CFAP77: variants seen among roughly 807,000 people sequenced by gnomAD.
CFAP77 encodes the protein cilia and flagella associated protein 77.
In CFAP77, 25 loss-of-function variants were observed where a neutral mutation model predicts 31.1. That is an observed-to-expected ratio of 0.80 (90% CI 0.59 to 1.12). The LOEUF is 1.12. Ranked by LOEUF, CFAP77 falls within the 50% of genes most tolerant of loss-of-function variation. The probability of loss-of-function intolerance (pLI) is 0.00; values close to 1 mark genes in which losing one functional copy is unlikely to be tolerated. For missense variants in CFAP77, 377 were observed against 397.3 expected, an observed-to-expected ratio of 0.95 and a Z score of 0.44; for synonymous variants, 151 against 159.9, an observed-to-expected ratio of 0.94 and a Z score of 0.42.
At chr9:132,422,784 C>G (rs1025074392) in intron 1 of CFAP77, among the ~76,000 whole-genome samples, 6 of 152,240 alleles carry the variant, frequency 3.9e-5, no homozygotes, top group Non-Finnish European at 7.4e-5. Flanking sequence ...ACACCTCCTT[C>G]CCTCTACTGA....
chr9:132,519,723 A>AATGGATGGGTGGATGGATGG (rs1852231632), intron 3 of CFAP77, among the ~76,000 whole-genome samples: 23 of 28,442 alleles, frequency 8.1e-4, no homozygotes, highest in Non-Finnish European at 1.1e-3. Flanking sequence ...TAGATGGATG[A>AATGGATGGGTGGATGGATGG]ATGGATGGGT....
chr9:132,424,379 GC>G lies in CFAP77; in HGVS notation c.195+13914del, dbSNP rs1850278879. ...ATCGTGCCACTGCACTCCAGCCTGGGCGACAGAGCAAGACTCCATCTCAAAA... is the reference window on the plus strand; with the variant it reads ...ATCGTGCCACTGCACTCCAGCCTGGGGACAGAGCAAGACTCCATCTCAAAA... On this transcript the variant is annotated intron_variant, in intron 1 of 5. Coordinates refer to ENST00000393216, the MANE Select transcript of CFAP77 (RefSeq NM_001282957.2). This position sits in a 1 kb window ranked among gnomAD's most constrained non-coding sequence, Gnocchi z 4.1. Among the ~76,000 whole-genome samples the G allele has an allele frequency of 1.3e-5, 2 of 152,078 alleles. No individual in the cohort carries two copies. Among genetic ancestry groups the G allele is most frequent in the African/African-American group, 4.8e-5 (2 of 41,396 alleles).
rs1267320985 is a variant in CFAP77 at position 132,517,718 on chromosome 9, A to G, written c.524+18118A>G. 6.6e-6 allele frequency among the ~76,000 whole-genome samples: 1 copy of G among 152,248 alleles called. No individual in the cohort carries two copies. Among genetic ancestry groups the G allele is most frequent in the Admixed American group, 6.5e-5 (1 of 15,288 alleles). On this transcript the variant is annotated intron_variant, in intron 3 of 5. Transcript: ENST00000393216. This position sits in a 1 kb window ranked among gnomAD's most constrained non-coding sequence, Gnocchi z 4.7. Reference sequence around the variant, plus strand: ...CTAATCCACAGAGCACTCCTGGCAGAGCGGAGCCGCACCGGCAAATCAGAG... The same window carrying G: ...CTAATCCACAGAGCACTCCTGGCAGGGCGGAGCCGCACCGGCAAATCAGAG...
At chr9:132,534,031 CTATT>C (rs753166124) in intron 3 of CFAP77, among the ~76,000 whole-genome samples, 26 of 152,164 alleles carry the variant, frequency 1.7e-4, no homozygotes, top group Non-Finnish European at 3.5e-4. Context: ...GGCACAGTAT[CTATT>C]TGTCACTGTC....
At chr9:132,535,270 T>A (rs1168266745) in intron 3 of CFAP77, among the ~76,000 whole-genome samples, 1 of 152,242 alleles carries the variant, frequency 6.6e-6, no homozygotes, top group Non-Finnish European at 1.5e-5. Flanking sequence ...ATTACTAATT[T>A]GCTTTATCCT....
At chr9:132,447,468 C>T (rs1175054608) in intron 1 of CFAP77, among the ~76,000 whole-genome samples, 3 of 152,244 alleles carry the variant, frequency 2.0e-5, no homozygotes, top group African/African-American at 7.2e-5. Flanking sequence ...CCTGCCCTGA[C>T]TAGGCTGCCT....
At chr9:132,492,158 C>T (rs562683022) in intron 1 of CFAP77, among the ~76,000 whole-genome samples, 4 of 152,172 alleles carry the variant, frequency 2.6e-5, no homozygotes, top group African/African-American at 9.6e-5. Context: ...AGTGGTGATG[C>T]GGGCCTGTAG....
intron 5 of CFAP77, among the ~76,000 whole-genome samples, chr9:132,557,253 C>G (rs987118407): frequency 6.6e-6 from 1 of 152,170 alleles, no homozygotes; most frequent in South Asian, 2.1e-4. Flanking sequence ...CAGCTGCCAG[C>G]GTGAGGTTCT....
chr9:132,500,169 A>T (rs1007352420), intron 3 of CFAP77, among the ~76,000 whole-genome samples: 1 of 151,508 alleles, frequency 6.6e-6, no homozygotes, highest in African/African-American at 2.4e-5. Flanking sequence ...AAAAAAAAAA[A>T]ACCTGTCTCT....
chr9:132,464,358 A>G (rs1245071845), intron 1 of CFAP77, among the ~76,000 whole-genome samples: 2 of 151,956 alleles, frequency 1.3e-5, no homozygotes, highest in African/African-American at 2.4e-5. Flanking sequence ...GCTCACCCCA[A>G]TTTAAAAAAA....
chr9:132,506,548 A>G (rs1851934153), intron 3 of CFAP77, among the ~76,000 whole-genome samples: 1 of 151,784 alleles, frequency 6.6e-6, no homozygotes, highest in Non-Finnish European at 1.5e-5. Flanking sequence ...AGCCTGGGCC[A>G]CAGTCAAGAC....
At chr9:132,514,387 G>C (rs1041349951) in intron 3 of CFAP77, among the ~76,000 whole-genome samples, 11 of 148,584 alleles carry the variant, frequency 7.4e-5, no homozygotes, top group Non-Finnish European at 1.3e-4. Context: ...GCTGTCCGCT[G>C]AGTTACACAC....
At chr9:132,537,900 C>T (rs923057546) in intron 4 of CFAP77, among the ~76,000 whole-genome samples, 194 bp downstream of exon 4, 1 of 152,166 alleles carries the variant, frequency 6.6e-6, no homozygotes, top group Non-Finnish European at 1.5e-5. Context: ...AGTTCCTACC[C>T]TACCTAAGCT....
chr9:132,420,759 A>G (rs1277986544), intron 1 of CFAP77, among the ~76,000 whole-genome samples: 1 of 152,144 alleles, frequency 6.6e-6, no homozygotes, highest in Non-Finnish European at 1.5e-5. Context: ...CATAATGTGT[A>G]CCAGGCACAG....
Position 132,554,962 on chromosome 9 carries a change from ATCC to A in CFAP77, c.732+11916_732+11918del, listed in dbSNP as rs1482482713. On this transcript the variant is annotated intron_variant, in intron 5 of 5. Coordinates refer to ENST00000393216, the MANE Select transcript of CFAP77 (RefSeq NM_001282957.2). The surrounding 1 kb of genome is among the most constrained non-coding windows in gnomAD (Gnocchi z 4.1). ...CACCCATCCATCCATCCATCCATCC[ATCC>A]ATCCATCCATCCATCCATCCATCCT... 6.6e-6 allele frequency among the ~76,000 whole-genome samples: 1 copy of A among 151,434 alleles called. No individual in the cohort carries two copies. The highest frequency in any genetic ancestry group is 1.9e-4 in the East Asian group (1 of 5,134).
At position 132,410,382 on chromosome 9, in the gene CFAP77, C is replaced by A; in HGVS notation, c.111C>A (p.Thr37=). ...GCCCGCCCCCGCGGCGGCCCCTGAC[C>A]GTGGCGGACATCCGTTCCGGCATGG... is the stretch of plus-strand genomic sequence containing the variant. The part of the protein sequence containing the change: ...QVCPPPRRPL[T]VADIRSGMEN... Residue 37 remains threonine (T), a synonymous_variant, in exon 1 of 6, where the codon ACC becomes ACA. Transcript: ENST00000393216. The A allele has an allele frequency of 1.2e-6, 2 of 1,600,222 alleles. No individual in the cohort carries two copies. Among genetic ancestry groups the A allele is most frequent in the South Asian group, 1.1e-5 (1 of 89,764 alleles).
At chr9:132,427,235 A>G (rs773423578) in intron 1 of CFAP77, among the ~76,000 whole-genome samples, 5 of 152,230 alleles carry the variant, frequency 3.3e-5, no homozygotes, top group Non-Finnish European at 7.4e-5. Context: ...GTTTCCTGCA[A>G]TGAGGTAATT....
chr9:132,524,831 G>T (rs1409512492), intron 3 of CFAP77, among the ~76,000 whole-genome samples: 2 of 146,762 alleles, frequency 1.4e-5, no homozygotes, highest in Non-Finnish European at 3.0e-5. Context: ...TGTATTTTTA[G>T]TAGAGACGGG....
chr9:132,485,366 A>G (rs1267467279), intron 1 of CFAP77, among the ~76,000 whole-genome samples: 1 of 152,210 alleles, frequency 6.6e-6, no homozygotes, highest in Non-Finnish European at 1.5e-5. Context: ...GAGGTTAAGC[A>G]TTATAACTTG....
Sources: allele counts gnomAD v4.1 joint callset (sites outside exome capture counted in the v4.1 genomes callset), GRCh38; gene constraint gnomAD v4.1.1; non-coding constraint Gnocchi (gnomAD v3.1); transcripts MANE v1.5; gene names NCBI Gene and HGNC (gene_info 2026-07-23, HGNC 2026-07-21).